Variants in SYBU observed in about 807,000 individuals in gnomAD.
The protein encoded by SYBU is syntabulin, also known as GOLSYN A protein.
In SYBU, 21 loss-of-function variants were observed where a neutral mutation model predicts 35.9. The ratio of observed to expected loss-of-function variants is 0.58; its 90% CI spans 0.41 to 0.84. The LOEUF (loss-of-function observed/expected upper bound fraction) is 0.84, where lower values mean the gene tolerates loss of function less well. Ranked by LOEUF, SYBU falls within the 40% of genes least tolerant of loss-of-function variation. SYBU has a pLI of 0.00. For synonymous variants in SYBU, 319 were observed against 324.3 expected (o/e 0.98, Z 0.18); for missense variants, 768 against 848.2 (o/e 0.91, Z 1.17).
At chr8:109,658,247 C>A (rs1363943150) in intron 1 of SYBU, among the ~76,000 whole-genome samples, 2 of 152,140 alleles carry the variant, frequency 1.3e-5, no homozygotes, top group East Asian at 3.9e-4. Flanking sequence ...GATTTTCTAA[C>A]TGACTACTTT....
intron 3 of SYBU, among the ~76,000 whole-genome samples, chr8:109,606,785 T>G (rs1366680416): frequency 6.6e-6 from 1 of 152,232 alleles, no homozygotes; most frequent in African/African-American, 2.4e-5. Context: ...TTCACTGTTC[T>G]GGGCAATTAA....
At chr8:109,605,010 C>T (rs952232112) in intron 3 of SYBU, among the ~76,000 whole-genome samples, 3 of 152,128 alleles carry the variant, frequency 2.0e-5, no homozygotes, top group Admixed American at 2.0e-4. Flanking sequence ...CCATGTAAGA[C>T]AAGGAAGCAT....
At chr8:109,635,764 G>A (rs899854373) in intron 2 of SYBU, among the ~76,000 whole-genome samples, 11 of 152,092 alleles carry the variant, frequency 7.2e-5, no homozygotes, top group Non-Finnish European at 1.5e-4. Context: ...AAAGCAGGCA[G>A]ACTCCAGTCA....
rs1822255041 is a variant in SYBU at position 109,576,041 on chromosome 8, TTA to T, written c.885-30_885-29del. ...AGAGTGCCAAGACAAGCATGGTTAA[TTA>T]AAAAAAAAAAAAAAAAAAAAAAAAA... On this transcript the variant is annotated intron_variant, in intron 6 of 6. Coordinates refer to ENST00000276646, the MANE Select transcript of SYBU (RefSeq NM_001099754.2). 11 of 754,100 alleles carry T rather than the reference TTA, an allele frequency of 1.5e-5. No individual in the cohort carries two copies. In the South Asian group the frequency reaches 1.8e-4, roughly 12 times the overall value. 46.7% of individuals were successfully genotyped at this position (754,100 alleles called of 1,614,324 possible).
At chr8:109,619,206 T>C (rs559631210) in intron 2 of SYBU, among the ~76,000 whole-genome samples, 167 bp from the exon 3 acceptor site, 1 of 151,982 alleles carries the variant, frequency 6.6e-6, no homozygotes, top group South Asian at 2.1e-4. Context: ...GCTCCTTTCA[T>C]TTTTCCATAT....
At chr8:109,649,005 T>C (rs1815998194), upstream of SYBU, 1 of 133,460 alleles carries the variant, frequency 7.5e-6, no homozygotes, top group African/African-American at 2.9e-5. Flanking sequence ...TTTTTTTTTT[T>C]TTTTTTTTTT....
chr8:109,648,484 G>C (rs1048750365), upstream of SYBU, among the ~76,000 whole-genome samples: 1 of 151,690 alleles, frequency 6.6e-6, no homozygotes, highest in African/African-American at 2.4e-5. Context: ...TTTTATTTGA[G>C]CCTCACAAAA....
At chr8:109,597,960 G>A (rs1395175405) in intron 3 of SYBU, among the ~76,000 whole-genome samples, 3 of 152,178 alleles carry the variant, frequency 2.0e-5, no homozygotes, top group Non-Finnish European at 4.4e-5. Flanking sequence ...TGATGCTGCT[G>A]GTTTGGAGCC....
chr8:109,682,204 G>A (rs1013124051), upstream of SYBU, among the ~76,000 whole-genome samples: 2 of 152,180 alleles, frequency 1.3e-5, no homozygotes, highest in African/African-American at 2.4e-5. Flanking sequence ...TTGGTAGCAG[G>A]CAGAGGTTAA....
chr8:109,644,971 T>C, upstream of SYBU: 1 of 498,870 alleles, frequency 2.0e-6, no homozygotes, highest in South Asian at 2.1e-5. Flanking sequence ...ACCCGCCCGA[T>C]TTCCCCACGG....
At chr8:109,644,066 C>A (rs980547486) in intron 1 of SYBU, 5 of 456,424 alleles carry the variant, frequency 1.1e-5, no homozygotes, top group African/African-American at 6.0e-5. Context: ...AGGGTCACGG[C>A]CAAAATAAAC....
At chr8:109,616,064 T>TGCAG (rs200626211) in intron 3 of SYBU, among the ~76,000 whole-genome samples, 36,306 of 133,356 alleles carry the variant, frequency 0.27, 5,447 homozygotes, top group African/African-American at 0.39. Flanking sequence ...CAGGCTGGAG[T>TGCAG]GCAGTGGCAT....
chr8:109,616,653 C>T (rs1400939904), intron 3 of SYBU, among the ~76,000 whole-genome samples: 1 of 150,988 alleles, frequency 6.6e-6, no homozygotes, highest in Non-Finnish European at 1.5e-5. Context: ...AAAATCATTA[C>T]AGGTTATGTT....
In SYBU at chr8:109,575,153, C is replaced by T. The variant is rs918131137; in HGVS notation, c.1745G>A (p.Cys582Tyr). 3 of 1,614,126 alleles carry T rather than the reference C, an allele frequency of 1.9e-6. No individual in the cohort carries two copies. The highest frequency in any genetic ancestry group is 1.3e-5 in the African/African-American group (1 of 74,950). Residue 582 changes from cysteine to tyrosine, a missense_variant, in exon 7 of 7, where the codon TGC (cysteine) becomes TAC (tyrosine). Coordinates refer to ENST00000276646, the MANE Select transcript of SYBU (RefSeq NM_001099754.2). The stretch of plus-strand genomic sequence containing the variant: ...GACACCATCCAACCTCTCTTCCACG[C>T]AGGCTGCAAAATCCAGCTCTCTCAT... ...RLMRELDFAA[C>Y]VEERLDGVIP... is the part of the protein sequence containing the mutation.
chr8:109,678,042 G>A (rs1052531114), intron 1 of SYBU, among the ~76,000 whole-genome samples: 5 of 146,400 alleles, frequency 3.4e-5, no homozygotes, highest in Admixed American at 2.8e-4. Context: ...GCTGAGGCAG[G>A]AGAATCACTT....
chr8:109,648,992 CTTTTTTTTTTTTTTT>C (rs5893961), upstream of SYBU: 5 of 85,202 alleles, frequency 5.9e-5, no homozygotes, highest in Non-Finnish European at 8.8e-5. Flanking sequence ...AACCCTCCTC[CTTTTTTTTTTTTTTT>C]TTTTTTTTTT....
intron 1 of SYBU, among the ~76,000 whole-genome samples, chr8:109,658,501 A>G (rs1339922489): frequency 1.3e-5 from 2 of 152,254 alleles, no homozygotes; most frequent in Admixed American, 1.3e-4. Flanking sequence ...TGGTAGCTCT[A>G]GAAATGATGA....
In SYBU at chr8:109,618,384, ATAAC is replaced by A. The variant is rs960810171; in HGVS notation, c.427+454_427+457del. Among the ~76,000 whole-genome samples the A allele has an allele frequency of 2.7e-4, 41 of 152,218 alleles. 1 individual carries two copies. The highest frequency in any genetic ancestry group is 1.0e-4 in the Non-Finnish European group (7 of 68,032). On this transcript the variant is annotated intron_variant, in intron 3 of 6. Transcript: ENST00000276646. The stretch of plus-strand genomic sequence containing the variant: ...TTCATATTTAAATCTCTAAAAGACT[ATAAC>A]TAAGTTAGCAAGTATGCCCAGCTCT...
rs1403184009 is a variant in SYBU, at chr8:109,574,200, CATTT to C, written c.*702_*705del. 6.6e-6 allele frequency: 1 copy of C among 152,564 alleles called. No individual in the cohort carries two copies. The highest frequency in any genetic ancestry group is 3.4e-3 in the Middle Eastern group (1 of 294). The allele number at this position is 152,564 out of a possible 1,614,324, so 9.5% of individuals were successfully genotyped here. On this transcript the variant is annotated 3_prime_UTR_variant, in exon 7 of 7. Transcript: ENST00000276646. ...ATTATTATTTTATGGGAGGATAAAA[CATTT>C]ATTTAAATGGAAACACTAATCTTTA...
Sources: allele counts gnomAD v4.1 joint callset (sites outside exome capture counted in the v4.1 genomes callset), GRCh38; gene constraint gnomAD v4.1.1; transcripts MANE v1.5; gene names NCBI Gene and HGNC (gene_info 2026-07-23, HGNC 2026-07-21).